GABBR2: variants seen among roughly 807,000 people sequenced by gnomAD.
GABBR2 encodes gamma-aminobutyric acid type B receptor subunit 2, also known as G-protein coupled receptor 51.
Under a neutral mutation model 105.6 loss-of-function variants are expected in GABBR2, and 23 were observed. That is an observed-to-expected ratio of 0.22 (90% CI 0.16 to 0.31). The LOEUF (loss-of-function observed/expected upper bound fraction) is 0.31. GABBR2 is among the 10% of genes least tolerant of loss of function. GABBR2 has a pLI of 1.00. For synonymous variants in GABBR2, 478 were observed against 499.7 expected, an observed-to-expected ratio of 0.96 and a Z score of 0.58; for missense variants, 734 against 1,245.5, an observed-to-expected ratio of 0.59 and a Z score of 6.18.
chr9:98,704,199 T>A (rs1830866620), intron 1 of GABBR2, among the ~76,000 whole-genome samples: 1 of 152,200 alleles, frequency 6.6e-6, no homozygotes, highest in Non-Finnish European at 1.5e-5. Flanking sequence ...AAGCACAGCC[T>A]CAATTCAACA....
intron 1 of GABBR2, among the ~76,000 whole-genome samples, chr9:98,691,041 A>G (rs1436475560): frequency 2.6e-5 from 4 of 152,210 alleles, no homozygotes; most frequent in African/African-American, 7.2e-5. Flanking sequence ...GATTGCATCT[A>G]TTATGTCCAC....
intron 13 of GABBR2, among the ~76,000 whole-genome samples, chr9:98,341,540 T>C (rs1235781876): frequency 1.3e-5 from 2 of 152,192 alleles, no homozygotes; most frequent in African/African-American, 4.8e-5. Flanking sequence ...TGAGATAAGA[T>C]GGTTATTGCG....
intron 1 of GABBR2, among the ~76,000 whole-genome samples, chr9:98,600,055 C>T (rs1203553064): frequency 6.6e-6 from 1 of 152,126 alleles, no homozygotes; most frequent in Non-Finnish European, 1.5e-5. Flanking sequence ...ATGGAGGCAG[C>T]TTATCCTACT....
intron 10 of GABBR2, among the ~76,000 whole-genome samples, chr9:98,387,928 G>C (rs1832104168): frequency 6.6e-6 from 1 of 152,158 alleles, no homozygotes; most frequent in Admixed American, 6.5e-5. Flanking sequence ...AATCAGACTT[G>C]TTCCCGACAG....
At chr9:98,673,813 C>T (rs1299820889) in intron 1 of GABBR2, among the ~76,000 whole-genome samples, 3 of 152,172 alleles carry the variant, frequency 2.0e-5, no homozygotes, top group Non-Finnish European at 4.4e-5. Flanking sequence ...CACTGTTCGA[C>T]ACACAAGCCC....
chr9:98,700,877 T>C (rs770430149), intron 1 of GABBR2, among the ~76,000 whole-genome samples: 1 of 152,192 alleles, frequency 6.6e-6, no homozygotes, highest in African/African-American at 2.4e-5. Context: ...AATACAAAAG[T>C]GGCCTGGCTC....
At chr9:98,541,119 T>G (rs2131739752) in intron 3 of GABBR2, among the ~76,000 whole-genome samples, 1 of 152,346 alleles carries the variant, frequency 6.6e-6, no homozygotes, top group African/African-American at 2.4e-5. Flanking sequence ...TATACCCATC[T>G]GACAGAACAC....
chr9:98,691,443 A>C (rs1830680884), intron 1 of GABBR2, among the ~76,000 whole-genome samples: 1 of 152,160 alleles, frequency 6.6e-6, no homozygotes, highest in Non-Finnish European at 1.5e-5. Flanking sequence ...TAGTCTTTGC[A>C]ATGTCCCTGG....
At chr9:98,674,696 G>T (rs1830452814) in intron 1 of GABBR2, among the ~76,000 whole-genome samples, 1 of 152,162 alleles carries the variant, frequency 6.6e-6, no homozygotes, top group African/African-American at 2.4e-5. Flanking sequence ...CAAGGTGGCG[G>T]CCCAGCATGG....
chr9:98,312,741 A>G (rs1461589556), intron 13 of GABBR2, among the ~76,000 whole-genome samples: 1 of 152,018 alleles, frequency 6.6e-6, no homozygotes, highest in Non-Finnish European at 1.5e-5. Context: ...CCTCCCATTT[A>G]TTTATGTATA....
At chr9:98,508,774 C>G (rs1218899409) in intron 3 of GABBR2, among the ~76,000 whole-genome samples, 2 of 119,944 alleles carry the variant, frequency 1.7e-5, no homozygotes, top group African/African-American at 6.0e-5. Flanking sequence ...CGGCAGGAAA[C>G]TCCAACTGGG....
intron 5 of GABBR2, among the ~76,000 whole-genome samples, chr9:98,475,909 C>T (rs1012332569): frequency 2.6e-5 from 4 of 152,092 alleles, no homozygotes; most frequent in African/African-American, 9.7e-5. Flanking sequence ...CTAAAAAATA[C>T]AAAAATTAGC....
At chr9:98,537,412 A>T (rs984939918) in intron 3 of GABBR2, among the ~76,000 whole-genome samples, 3 of 151,884 alleles carry the variant, frequency 2.0e-5, no homozygotes, top group African/African-American at 7.3e-5. Flanking sequence ...AGTGATGAAG[A>T]GTGTTCTAAA....
At chr9:98,530,793 A>G (rs766415415) in intron 3 of GABBR2, among the ~76,000 whole-genome samples, 5 of 152,148 alleles carry the variant, frequency 3.3e-5, no homozygotes, top group African/African-American at 4.8e-5. Context: ...CAAAAAAAAA[A>G]TAGGGAGACC....
intron 1 of GABBR2, among the ~76,000 whole-genome samples, chr9:98,651,139 GTTTTTTTTTT>G (rs55727456): frequency 1.5e-5 from 2 of 129,572 alleles, no homozygotes; most frequent in Non-Finnish European, 3.3e-5. Context: ...ACACACACTG[GTTTTTTTTTT>G]TTTTTTTTTT....
At chr9:98,442,805 C>T (rs1337424520) in intron 7 of GABBR2, among the ~76,000 whole-genome samples, 7 of 152,198 alleles carry the variant, frequency 4.6e-5, no homozygotes, top group Non-Finnish European at 1.0e-4. Context: ...ACTGACACTG[C>T]TGATGATATA....
intron 13 of GABBR2, among the ~76,000 whole-genome samples, chr9:98,315,999 A>G (rs1441585815): frequency 6.6e-6 from 1 of 152,246 alleles, no homozygotes; most frequent in African/African-American, 2.4e-5. Flanking sequence ...CACGCAGGCC[A>G]GGGCCAGCGA....
chr9:98,537,758 A>G (rs1017703214), intron 3 of GABBR2, among the ~76,000 whole-genome samples: 1 of 152,222 alleles, frequency 6.6e-6, no homozygotes, highest in Non-Finnish European at 1.5e-5. Flanking sequence ...TTTATAAAAA[A>G]TAATTGAACT....
At chr9:98,413,722 G>A (rs1398429496) in intron 7 of GABBR2, among the ~76,000 whole-genome samples, 1 of 152,132 alleles carries the variant, frequency 6.6e-6, no homozygotes, top group African/African-American at 2.4e-5. Context: ...CGGCTCAGAG[G>A]GTGCAAGTAG....
Sources: gnomAD v4.1 joint callset for allele counts (sites outside exome capture counted in the v4.1 genomes callset) on GRCh38, gnomAD v4.1.1 for gene constraint, MANE v1.5 for transcripts, NCBI Gene and HGNC (gene_info 2026-07-23, HGNC 2026-07-21) for gene names.